ELMO1: variants seen among roughly 807,000 people sequenced by gnomAD.
The protein encoded by ELMO1 is engulfment and cell motility 1.
Under a neutral mutation model 98.9 loss-of-function variants are expected in ELMO1, and 26 were observed. The observed-to-expected ratio is 0.26, with a 90% CI of 0.19 to 0.36. The LOEUF is 0.36. ELMO1 is among the 10% of genes least tolerant of loss of function. The probability of loss-of-function intolerance (pLI) is 1.00; values close to 1 mark genes in which losing one functional copy is unlikely to be tolerated. For synonymous variants in ELMO1, 346 were observed against 346.0 expected (o/e 1.00, Z 0.00); for missense variants, 627 against 935.2 (o/e 0.67, Z 4.30).
At chr7:37,224,473 AACATT>A (rs1380081988) in intron 9 of ELMO1, among the ~76,000 whole-genome samples, 1 of 152,230 alleles carries the variant, frequency 6.6e-6, no homozygotes, top group Non-Finnish European at 1.5e-5. Flanking sequence ...AAAAATGCAT[AACATT>A]ACATTTCTAA....
At chr7:37,290,150 T>C (rs562084605) in intron 4 of ELMO1, among the ~76,000 whole-genome samples, 2 of 152,358 alleles carry the variant, frequency 1.3e-5, no homozygotes, top group East Asian at 3.9e-4. Context: ...GCTATCCAGA[T>C]GAATTAATTA....
chr7:37,195,603 G>A (rs1308838397), intron 13 of ELMO1, among the ~76,000 whole-genome samples: 1 of 152,244 alleles, frequency 6.6e-6, no homozygotes, highest in African/African-American at 2.4e-5. Flanking sequence ...AGCAGCAGTT[G>A]CAGGAATCTG....
chr7:36,963,510 AAC>A (rs1789148456), intron 16 of ELMO1, among the ~76,000 whole-genome samples: 1 of 152,184 alleles, frequency 6.6e-6, no homozygotes, highest in African/African-American at 2.4e-5. Flanking sequence ...CCCTCACACA[AAC>A]ACAGAAAAAT....
intron 19 of ELMO1, among the ~76,000 whole-genome samples, chr7:36,877,462 T>C (rs1178923928): frequency 6.6e-6 from 1 of 152,122 alleles, no homozygotes; most frequent in African/African-American, 2.4e-5. Flanking sequence ...ACAGACAACA[T>C]ATAGAAAAAG....
Position 37,344,062 on chromosome 7 carries a change from C to T in ELMO1, c.-73-1299G>A, listed in dbSNP as rs186227091. ...TTTTTTTTTTTTTGAGACAGAGTCT[C>T]CCTCTGTTGCCCAGGCTGGAGTGCA... On this transcript the variant is annotated intron_variant, in intron 1 of 21. Transcript: ENST00000310758. 2.3e-5 allele frequency among the ~76,000 whole-genome samples: 3 copies of T among 128,428 alleles called. No individual in the cohort carries two copies. In the Admixed American group the frequency reaches 2.6e-4, roughly 11 times the overall value. The allele number at this position is 128,428 out of a possible 152,430, so 84.3% of individuals were successfully genotyped here.
intron 1 of ELMO1, among the ~76,000 whole-genome samples, chr7:37,346,084 G>A (rs1025203981): frequency 2.6e-5 from 4 of 151,990 alleles, no homozygotes; most frequent in Non-Finnish European, 4.4e-5. Flanking sequence ...CAGCAAGTGC[G>A]AAGGCCCCAA....
At chr7:36,873,243 A>G (rs1042343368) in intron 19 of ELMO1, among the ~76,000 whole-genome samples, 2 of 152,202 alleles carry the variant, frequency 1.3e-5, no homozygotes, top group African/African-American at 4.8e-5. Flanking sequence ...GAAAGGCTCA[A>G]ATGATGGCCT....
At chr7:36,968,875 TAATTTTGGGG>T (rs1789671298) in intron 16 of ELMO1, among the ~76,000 whole-genome samples, 2 of 152,100 alleles carry the variant, frequency 1.3e-5, no homozygotes, top group Admixed American at 6.5e-5. Context: ...TTAAAAAAAA[TAATTTTGGGG>T]CTACAAATAT....
intron 16 of ELMO1, among the ~76,000 whole-genome samples, chr7:36,960,636 T>G (rs1788863889): frequency 6.6e-6 from 1 of 152,020 alleles, no homozygotes; most frequent in Non-Finnish European, 1.5e-5. Context: ...CTTCTTTATT[T>G]TTTTTCTATG....
intron 13 of ELMO1, among the ~76,000 whole-genome samples, chr7:37,196,760 G>A (rs1287344373): frequency 1.3e-5 from 2 of 152,166 alleles, no homozygotes; most frequent in Non-Finnish European, 2.9e-5. Context: ...CAGCTATTGT[G>A]GGCAGGTTTC....
intron 17 of ELMO1, 119 bp from the exon 18 acceptor site, chr7:36,887,791 C>T (rs1805163698): frequency 1.3e-6 from 1 of 798,928 alleles, no homozygotes; most frequent in East Asian, 2.6e-5. Context: ...GCATCTAATA[C>T]CTCCAACTTG....
At chr7:37,337,389 G>C (rs1042238096) in intron 2 of ELMO1, among the ~76,000 whole-genome samples, 1 of 152,086 alleles carries the variant, frequency 6.6e-6, no homozygotes, top group African/African-American at 2.4e-5. Context: ...GGTAAGGGAA[G>C]GGGGGAGGGA....
chr7:37,118,606 C>G (rs894136975), intron 14 of ELMO1, among the ~76,000 whole-genome samples: 1 of 152,170 alleles, frequency 6.6e-6, no homozygotes, highest in Non-Finnish European at 1.5e-5. Flanking sequence ...GGAGTGGGAA[C>G]GGGAACAATC....
intron 4 of ELMO1, among the ~76,000 whole-genome samples, chr7:37,279,321 A>T (rs1036829737): frequency 2.0e-5 from 3 of 152,178 alleles, no homozygotes; most frequent in Non-Finnish European, 2.9e-5. Context: ...TGGGAAGGGG[A>T]TCATCATGGC....
At chr7:37,104,010 C>CAAAAAAAAAAAAAAAAAAAAAA (rs35979251) in intron 14 of ELMO1, among the ~76,000 whole-genome samples, 1 of 29,002 alleles carries the variant, frequency 3.4e-5, no homozygotes, top group African/African-American at 7.6e-5. Flanking sequence ...GACTCCATCT[C>CAAAAAAAAAAAAAAAAAAAAAA]AAAAAAAAAA....
intron 4 of ELMO1, among the ~76,000 whole-genome samples, chr7:37,294,355 TAAA>T (rs11301331): frequency 1.1e-4 from 15 of 142,790 alleles, no homozygotes; most frequent in Non-Finnish European, 9.1e-5. Context: ...AGAAGCCATT[TAAA>T]AAAAAAAAAA....
chr7:37,248,849 T>C (rs1257841549), intron 6 of ELMO1, among the ~76,000 whole-genome samples: 1 of 152,244 alleles, frequency 6.6e-6, no homozygotes, highest in Non-Finnish European at 1.5e-5. Flanking sequence ...GGCAATAGCA[T>C]AAGTTAGAGC....
intron 6 of ELMO1, among the ~76,000 whole-genome samples, chr7:37,255,991 T>C (rs934277372): frequency 1.3e-5 from 2 of 152,154 alleles, no homozygotes; most frequent in Non-Finnish European, 2.9e-5. Flanking sequence ...CCTCCTCCTC[T>C]GCTCCCCAGA....
chr7:37,331,333 C>CTTTTTTGTTTTTT (rs1800101049), intron 2 of ELMO1, among the ~76,000 whole-genome samples: 1 of 28,716 alleles, frequency 3.5e-5, no homozygotes, highest in Non-Finnish European at 6.8e-5. Context: ...CCACGCCTGG[C>CTTTTTTGTTTTTT]TTTTTTTTTT....
Sources: gnomAD v4.1 joint callset for allele counts (sites outside exome capture counted in the v4.1 genomes callset) on GRCh38, gnomAD v4.1.1 for gene constraint, MANE v1.5 for transcripts, NCBI Gene and HGNC (gene_info 2026-07-23, HGNC 2026-07-21) for gene names.